PHIP: variants seen among roughly 807,000 people sequenced by gnomAD.
The protein encoded by PHIP is PH-interacting protein.
In PHIP, 54 loss-of-function variants were observed where a neutral mutation model predicts 236.8. The ratio of observed to expected loss-of-function variants is 0.23; its 90% CI spans 0.18 to 0.29. The LOEUF (loss-of-function observed/expected upper bound fraction) is 0.29. Ranked by LOEUF, PHIP falls within the 10% of genes least tolerant of loss-of-function variation. The pLI, the probability that PHIP is intolerant of heterozygous loss-of-function variation, is 1.00. For missense variants in PHIP, 1,370 were observed against 2,190.8 expected (o/e 0.63, Z 7.48); for synonymous variants, 756 against 718.9 (o/e 1.05, Z -0.83).
In PHIP at chr6:78,975,268, A is replaced by G. The variant is rs543204731; in HGVS notation, c.2889+3324T>C. ...CAGCATATAAACAGAGCCAAAGACA[A>G]AAACCACATGATTATCTCAATAGAT... On this transcript the variant is annotated intron_variant, in intron 24 of 39. Coordinates refer to ENST00000275034, the MANE Select transcript of PHIP (RefSeq NM_017934.7). 1.8e-3 allele frequency among the ~76,000 whole-genome samples: 269 copies of G among 152,250 alleles called. 1 individual carries two copies. Among genetic ancestry groups the G allele is most frequent in the African/African-American group, 5.6e-3 (231 of 41,530 alleles).
At chr6:79,066,282 C>T (rs927781576) in intron 4 of PHIP, among the ~76,000 whole-genome samples, 9 of 152,120 alleles carry the variant, frequency 5.9e-5, no homozygotes, top group African/African-American at 1.9e-4. Context: ...ATATTGGCTG[C>T]ACACTGAATG....
At chr6:79,001,555 A>G (rs925774623) in intron 17 of PHIP, among the ~76,000 whole-genome samples, 17 of 152,050 alleles carry the variant, frequency 1.1e-4, no homozygotes, top group African/African-American at 4.1e-4. Context: ...TTAATCCACT[A>G]CTGAATAGCC....
At chr6:78,982,563 A>G (rs984069872) in intron 23 of PHIP, among the ~76,000 whole-genome samples, 1 of 152,042 alleles carries the variant, frequency 6.6e-6, no homozygotes, top group African/African-American at 2.4e-5. Context: ...AGATTAATAC[A>G]CTATATGTTT....
At chr6:78,942,857 T>C (rs562371395) in intron 39 of PHIP, among the ~76,000 whole-genome samples, 1 of 152,352 alleles carries the variant, frequency 6.6e-6, no homozygotes, top group African/African-American at 2.4e-5. Flanking sequence ...ACAGGGACTA[T>C]AGGACTCATC....
chr6:78,971,381 G>A (rs1434647756), intron 24 of PHIP, among the ~76,000 whole-genome samples: 1 of 152,194 alleles, frequency 6.6e-6, no homozygotes, highest in Non-Finnish European at 1.5e-5. Context: ...CTACTGTCTT[G>A]GAGAACTAGT....
In PHIP at chr6:78,935,238, TA is replaced by T. The variant is rs1281932009; in HGVS notation, c.*5454del. On this transcript the variant is annotated 3_prime_UTR_variant, in exon 40 of 40. Transcript: ENST00000275034. Reference sequence around the variant, plus strand: ...ACCTTCCTTCCTCAACTTAGAAATTTATTATATACAAAATCATTTTAACAAA... The same window carrying T: ...ACCTTCCTTCCTCAACTTAGAAATTTTTATATACAAAATCATTTTAACAAA... 6.6e-6 allele frequency among the ~76,000 whole-genome samples: 1 copy of T among 152,266 alleles called. No homozygotes were observed.
At chr6:79,064,229 T>G (rs1008381560) in intron 4 of PHIP, among the ~76,000 whole-genome samples, 1 of 152,182 alleles carries the variant, frequency 6.6e-6, no homozygotes, top group Non-Finnish European at 1.5e-5. Flanking sequence ...CATTCTAGTA[T>G]GTACACTAAC....
rs140141996 is a variant in PHIP, at chr6:79,002,123, A to T, written c.1655T>A (p.Ile552Lys). Residue 552 changes from isoleucine to lysine, a missense_variant and splice_region_variant, in exon 17 of 40, where the codon ATA (isoleucine) becomes AAA (lysine). Ile to Lys is a moderately radical substitution (Grantham distance 102). Around this residue, in one of 14 missense-constraint regions of PHIP, gnomAD observed 2 missense variants for 34.5 expected, o/e 0.06. Transcript: ENST00000275034. The stretch of plus-strand genomic sequence containing the variant: ...ACTATGAAAGAACATCTGATCTGCT[A>T]TCTGCAAAAAGAAAAGTCCATAAAA... ...GFGSSSKYDK[I>K]ADQMFFHSDY... The T allele has an allele frequency of 6.2e-7, 1 of 1,603,880 alleles. No homozygotes were observed. Among genetic ancestry groups the T allele is most frequent in the Non-Finnish European group, 8.5e-7 (1 of 1,172,032 alleles).
intron 4 of PHIP, among the ~76,000 whole-genome samples, chr6:79,062,605 A>G (rs1390211029): frequency 6.6e-6 from 1 of 152,182 alleles, no homozygotes; most frequent in Non-Finnish European, 1.5e-5. Flanking sequence ...GGCAAAATAT[A>G]TTTTCAGGTA....
At position 79,077,277 on chromosome 6, in the gene PHIP, C is replaced by A. The variant is rs191299191; in HGVS notation, c.189+171G>T. Among the ~76,000 whole-genome samples the A allele has an allele frequency of 5.6e-3, 852 of 152,158 alleles. 6 individuals carry two copies. Among genetic ancestry groups the A allele is most frequent in the African/African-American group, 0.02 (826 of 41,536 alleles). On this transcript the variant is annotated intron_variant, in intron 4 of 39. Coordinates refer to ENST00000275034, the MANE Select transcript of PHIP (RefSeq NM_017934.7). ...CCCTGCGGCCCCGAAGTACGAGTAC[C>A]CCCGGCCACTGGCCCCCGCAGACCC...
intron 4 of PHIP, among the ~76,000 whole-genome samples, chr6:79,068,488 A>T (rs1435434499): frequency 6.6e-6 from 1 of 151,868 alleles, no homozygotes; most frequent in Non-Finnish European, 1.5e-5. Context: ...TAAACAAAAA[A>T]CCCCACGAAA....
At chr6:79,038,561 T>C (rs1772057077) in intron 7 of PHIP, among the ~76,000 whole-genome samples, 1 of 152,242 alleles carries the variant, frequency 6.6e-6, no homozygotes, top group Non-Finnish European at 1.5e-5. Flanking sequence ...TTTCTGCCTT[T>C]CATGAAATTC....
intron 7 of PHIP, among the ~76,000 whole-genome samples, chr6:79,041,047 C>G (rs1772184572): frequency 6.6e-6 from 1 of 152,066 alleles, no homozygotes. Context: ...AATCAAATGT[C>G]TAGAAAAGGA....
chr6:78,960,346 C>T (rs1766694462), intron 31 of PHIP, among the ~76,000 whole-genome samples: 1 of 152,090 alleles, frequency 6.6e-6, no homozygotes, highest in Admixed American at 6.6e-5. Context: ...TTCTTTCCTT[C>T]TCATCCACCC....
chr6:79,022,068 G>A (rs978433909), intron 9 of PHIP, among the ~76,000 whole-genome samples: 2 of 152,022 alleles, frequency 1.3e-5, no homozygotes, highest in Admixed American at 1.3e-4. Context: ...GAAAAAACAA[G>A]TAGCTACCCA....
At chr6:78,975,060 G>C (rs1767944941) in intron 24 of PHIP, among the ~76,000 whole-genome samples, 2 of 151,150 alleles carry the variant, frequency 1.3e-5, no homozygotes, top group African/African-American at 4.9e-5. Flanking sequence ...GCTGGGCAGA[G>C]ACACAACCAA....
Position 78,982,994 on chromosome 6 carries a change from A to G in PHIP, c.2661T>C (p.Ser887=), listed in dbSNP as rs1459097818. The part of the protein sequence containing the change: ...AESSSDEEEE[S]EKQKQKQIKK... ...TAATCTGTTTTTGCTTCTGTTTTTCAGATTCTTCTTCTTCATCTGAACTGC... is the reference window on the plus strand; with the variant it reads ...TAATCTGTTTTTGCTTCTGTTTTTCGGATTCTTCTTCTTCATCTGAACTGC... Residue 887 remains serine, a synonymous_variant, in exon 23 of 40, where the codon TCT becomes TCC. Coordinates refer to ENST00000275034, the MANE Select transcript of PHIP (RefSeq NM_017934.7). The G allele has an allele frequency of 3.1e-6, 5 of 1,608,396 alleles. No individual in the cohort carries two copies. The highest frequency in any genetic ancestry group is 4.2e-6 in the Non-Finnish European group (5 of 1,177,130).
chr6:79,018,480 C>T (rs912375125), intron 10 of PHIP, among the ~76,000 whole-genome samples: 1 of 151,924 alleles, frequency 6.6e-6, no homozygotes, highest in Non-Finnish European at 1.5e-5. Context: ...GTATTAGACA[C>T]TATTTGGATC....
chr6:79,069,172 A>G (rs1773768389), intron 4 of PHIP, among the ~76,000 whole-genome samples: 1 of 148,144 alleles, frequency 6.8e-6, no homozygotes, highest in East Asian at 1.9e-4. Flanking sequence ...TACATTAATT[A>G]TATTTTATTA....
Sources: allele counts gnomAD v4.1 joint callset (sites outside exome capture counted in the v4.1 genomes callset), GRCh38; gene constraint gnomAD v4.1.1; regional missense constraint gnomAD v4.1.1; transcripts MANE v1.5; gene names NCBI Gene and HGNC (gene_info 2026-07-23, HGNC 2026-07-21).